The following FBXO11 variants were observed in gnomAD, a reference collection of about 807,000 sequenced individuals.
FBXO11 encodes the protein F-box protein 11, also known as F-box only protein 11.
In FBXO11, 13 loss-of-function variants were observed where a neutral mutation model predicts 117.0. The ratio of observed to expected loss-of-function variants is 0.11; its 90% CI spans 0.07 to 0.18. The LOEUF is 0.18. Among genes scored for constraint, FBXO11 ranks in the 10% least tolerant of loss-of-function variants. FBXO11 has a pLI of 1.00. For synonymous variants in FBXO11, 490 were observed against 380.5 expected (o/e 1.29, Z -3.35); for missense variants, 767 against 1,164.4 (o/e 0.66, Z 4.97).
intron 1 of FBXO11, among the ~76,000 whole-genome samples, chr2:47,879,443 G>A (rs1480434793): frequency 1.3e-5 from 2 of 152,104 alleles, no homozygotes; most frequent in Non-Finnish European, 2.9e-5. Context: ...CCCAACTTTT[G>A]TTTTTGCCTA....
At chr2:47,845,606 G>GTAC (rs1673348193) in intron 1 of FBXO11, among the ~76,000 whole-genome samples, 1 of 152,132 alleles carries the variant, frequency 6.6e-6, no homozygotes, top group Admixed American at 6.5e-5. Flanking sequence ...AACTCCTGTA[G>GTAC]TACTGAATAT....
In FBXO11 at chr2:47,905,601, C is replaced by T. The variant is rs1173097159; in HGVS notation, c.120G>A (p.Pro40=). The change falls in exon 1 of 23, where the codon CCG becomes CCA. Residue 40 remains proline, a synonymous_variant. Transcript: ENST00000403359. The part of the protein sequence containing the change: ...QPPPQPPQQQ[P]PQQQPPPPPQ... ...GCGGCGGCGGAGGCTGCTGCTGGGG[C>T]GGCTGCTGCTGGGGCGGCTGCGGCG... 1 of 1,300,718 alleles carries T rather than the reference C, an allele frequency of 7.7e-7. No homozygotes were observed. Among genetic ancestry groups the T allele is most frequent in the Non-Finnish European group, 9.8e-7 (1 of 1,025,462 alleles). The allele number at this position is 1,300,718 out of a possible 1,614,324, so 80.6% of individuals were successfully genotyped here.
At chr2:47,885,574 C>CA (rs1443431079) in intron 1 of FBXO11, among the ~76,000 whole-genome samples, 1 of 145,564 alleles carries the variant, frequency 6.9e-6, no homozygotes, top group African/African-American at 2.5e-5. Context: ...GACTCAGTCT[C>CA]AAAAAAAGAA....
In FBXO11 at chr2:47,845,473, C is replaced by T. The variant is rs550510775; in HGVS notation, c.233-5704G>A. 3.9e-5 allele frequency among the ~76,000 whole-genome samples: 6 copies of T among 152,264 alleles called. No individual in the cohort carries two copies. In the South Asian group the frequency reaches 8.3e-4, roughly 21 times the overall value. ...TACTGACTGTTCTGAGAATCAAGTA[C>T]AGTGCCAGAAGTTACTTAAAAAGGG... On this transcript the variant is annotated intron_variant, in intron 1 of 22. Transcript: ENST00000403359.
At chr2:47,841,137 G>A (rs1172189890) in intron 1 of FBXO11, among the ~76,000 whole-genome samples, 2 of 151,978 alleles carry the variant, frequency 1.3e-5, no homozygotes, top group Non-Finnish European at 2.9e-5. Flanking sequence ...GGCAGAGCTT[G>A]CAGTGAGCCG....
chr2:47,895,039 T>G (rs1677552109), intron 1 of FBXO11, among the ~76,000 whole-genome samples: 1 of 152,172 alleles, frequency 6.6e-6, no homozygotes, highest in African/African-American at 2.4e-5. Flanking sequence ...TTCACACACC[T>G]TAAAGCTGTT....
chr2:47,838,900 T>G lies in FBXO11; in HGVS notation c.546A>C (p.Val182=). Residue 182 remains valine, a synonymous_variant, in exon 4 of 23, where the codon GTA becomes GTC. Transcript: ENST00000403359. ...TAGCAAGTTCACTGAAGCGTTTACA[T>G]ACACAAGCTGCTCTACAAAGATCCT... ...LEQDLCRAAC[V]CKRFSELAND... is the part of the protein sequence containing the mutation. 1 of 1,614,100 alleles carries G rather than the reference T, an allele frequency of 6.2e-7. No homozygotes were observed. The highest frequency in any genetic ancestry group is 8.5e-7 in the Non-Finnish European group (1 of 1,179,960).
intron 1 of FBXO11, among the ~76,000 whole-genome samples, chr2:47,843,827 G>A (rs899242513): frequency 6.6e-6 from 1 of 151,994 alleles, no homozygotes; most frequent in Non-Finnish European, 1.5e-5. Flanking sequence ...TGCAACCTCT[G>A]CCTCCTGGGT....
At chr2:47,865,799 T>A (rs527573161) in intron 1 of FBXO11, 1 of 152,160 alleles carries the variant, frequency 6.6e-6, no homozygotes, top group Non-Finnish European at 1.5e-5. Flanking sequence ...AGCTATATGA[T>A]TGTGGGCAGA....
intron 1 of FBXO11, among the ~76,000 whole-genome samples, chr2:47,875,681 A>T (rs192371241): frequency 7.2e-5 from 11 of 152,290 alleles, no homozygotes; most frequent in Non-Finnish European, 1.5e-4. Context: ...TTTTAAAATA[A>T]ATTTTCTCTT....
chr2:47,850,896 T>C (rs951494577), intron 1 of FBXO11, among the ~76,000 whole-genome samples: 5 of 152,214 alleles, frequency 3.3e-5, no homozygotes, highest in South Asian at 2.1e-4. Context: ...TCCATTCTCA[T>C]ATTTGTTCCC....
intron 13 of FBXO11, 78 bp downstream of exon 13, chr2:47,822,140 C>G (rs550853202): frequency 9.8e-7 from 1 of 1,015,756 alleles, no homozygotes; most frequent in Admixed American, 2.4e-5. Flanking sequence ...TGGGTAGTTT[C>G]AAAATGTTCC....
chr2:47,810,702 G>T (rs1670550614), intron 18 of FBXO11: 1 of 310,130 alleles, frequency 3.2e-6, no homozygotes, highest in African/African-American at 2.2e-5. Context: ...CATCTTCAGA[G>T]CCAGGTGCAT....
At chr2:47,840,853 TAAA>T (rs544206772) in intron 1 of FBXO11, among the ~76,000 whole-genome samples, 1 of 137,060 alleles carries the variant, frequency 7.3e-6, no homozygotes. Context: ...CTTTAAAAAT[TAAA>T]AAAAAAAAAA....
chr2:47,901,205 T>C (rs972361052), intron 1 of FBXO11, among the ~76,000 whole-genome samples: 15 of 147,620 alleles, frequency 1.0e-4, no homozygotes, highest in Middle Eastern at 3.6e-3. Flanking sequence ...ATGTGTGTCA[T>C]AGATAAGATT....
intron 9 of FBXO11, 40 bp from the exon 10 acceptor site, chr2:47,832,718 C>T (rs753635001): frequency 6.2e-7 from 1 of 1,607,536 alleles, no homozygotes; most frequent in Admixed American, 1.7e-5. Flanking sequence ...ACCTACTGGG[C>T]AACATACAGT....
intron 13 of FBXO11, 147 bp downstream of exon 13, chr2:47,822,071 G>C (rs546991389): frequency 9.4e-5 from 59 of 625,572 alleles, no homozygotes; most frequent in Non-Finnish European, 1.4e-5. Context: ...GCACAAGAGA[G>C]TAAGACCTCA....
chr2:47,836,200 G>T (rs549009535), intron 4 of FBXO11, among the ~76,000 whole-genome samples, 199 bp from the exon 5 acceptor site: 10 of 152,032 alleles, frequency 6.6e-5, no homozygotes, highest in Non-Finnish European at 1.2e-4. Context: ...CAAGTGGCAT[G>T]ATCTTGGCTC....
intron 18 of FBXO11, 172 bp from the exon 19 acceptor site, chr2:47,810,598 A>G: frequency 2.0e-6 from 1 of 505,238 alleles, no homozygotes; most frequent in African/African-American, 2.0e-5. Context: ...TTAAGGATCT[A>G]ACAAAATTGC....
Sources: allele counts gnomAD v4.1 joint callset (sites outside exome capture counted in the v4.1 genomes callset), GRCh38; gene constraint gnomAD v4.1.1; transcripts MANE v1.5; gene names NCBI Gene and HGNC (gene_info 2026-07-23, HGNC 2026-07-21).